PFKFB2: variants seen among roughly 807,000 people sequenced by gnomAD.
PFKFB2 encodes 6-phosphofructo-2-kinase/fructose-2,6-bisphosphatase 2.
A neutral mutation model predicts 68.0 loss-of-function variants in PFKFB2; 53 were observed. The ratio of observed to expected loss-of-function variants is 0.78; its 90% CI spans 0.63 to 0.98. The LOEUF is 0.98. PFKFB2 is among the 50% of genes least tolerant of loss of function. The probability of loss-of-function intolerance (pLI) is 0.00; values close to 1 mark genes in which losing one functional copy is unlikely to be tolerated. For synonymous variants in PFKFB2, 222 were observed against 227.6 expected, an observed-to-expected ratio of 0.98 and a Z score of 0.22; for missense variants, 451 against 642.0, an observed-to-expected ratio of 0.70 and a Z score of 3.22.
chr1:207,061,178 TA>T (rs1184500680), intron 2 of PFKFB2, among the ~76,000 whole-genome samples: 4 of 79,168 alleles, frequency 5.1e-5, no homozygotes, highest in African/African-American at 1.7e-4. Context: ...TATATATATA[TA>T]TATATATATA....
Position 207,063,311 on chromosome 1 carries a change from G to C in PFKFB2, c.376-36G>C. The C allele has an allele frequency of 6.3e-7, 1 of 1,596,020 alleles. No individual in the cohort carries two copies. The highest frequency in any genetic ancestry group is 8.6e-7 in the Non-Finnish European group (1 of 1,163,522). On this transcript the variant is annotated intron_variant, in intron 5 of 14. Transcript: ENST00000367080. The surrounding 1 kb of genome is among the most constrained non-coding windows in gnomAD (Gnocchi z 4.1). ...TGCCCTGGTGGGGTTCTGTTTCTCT[G>C]TTCCTGCTCATTTACCTTGTGTACT...
At chr1:207,065,831 C>A (rs2075865) in intron 8 of PFKFB2, among the ~76,000 whole-genome samples, 51,059 of 151,778 alleles carry the variant, frequency 0.34, 9,319 homozygotes, top group Middle Eastern at 0.46. Flanking sequence ...CACCTCCAAC[C>A]TGTGACAACC....
intron 8 of PFKFB2, 37 bp downstream of exon 8, chr1:207,065,197 A>C (rs745434345): frequency 1.2e-6 from 2 of 1,609,934 alleles, no homozygotes; most frequent in South Asian, 2.2e-5. Context: ...GGCCCAAGGC[A>C]AAGGTCTCAT....
chr1:207,080,368 G>C (rs1374417457), downstream of PFKFB2: 3 of 152,302 alleles, frequency 2.0e-5, no homozygotes, highest in South Asian at 4.1e-4. Context: ...CTTTTATACT[G>C]TGGATGATAC....
downstream of PFKFB2, chr1:207,079,376 T>C (rs1258846397): frequency 1.0e-5 from 3 of 296,664 alleles, no homozygotes; most frequent in Non-Finnish European, 1.9e-5. Context: ...TTGCCCAAAG[T>C]GCAAATGCAC....
intron 1 of PFKFB2, among the ~76,000 whole-genome samples, chr1:207,035,965 C>T (rs545835877): frequency 7.9e-5 from 12 of 152,146 alleles, no homozygotes; most frequent in East Asian, 1.9e-4. Flanking sequence ...TCACATAGTA[C>T]GTTAGTCTGT....
rs1481989231 is a variant in PFKFB2, at chr1:207,074,335, C to T, written c.*1964C>T. On this transcript the variant is annotated 3_prime_UTR_variant, in exon 15 of 15. Transcript: ENST00000367080. ...ATATAACCCCCTGGAAGGCAGGCTG[C>T]TGTGTTTTAGAGGGTTATTCTAGGT... 3.0e-6 allele frequency: 3 copies of T among 985,284 alleles called. No individual in the cohort carries two copies. The African/African-American group carries it at 5.2e-5, about 17-fold the overall frequency. The allele number at this position is 985,284 out of a possible 1,614,324, so 61.0% of individuals were successfully genotyped here.
intron 2 of PFKFB2, among the ~76,000 whole-genome samples, chr1:207,057,409 C>T (rs950849955): frequency 1.4e-5 from 2 of 146,636 alleles, no homozygotes; most frequent in Non-Finnish European, 3.0e-5. Context: ...ACCCGGGAGG[C>T]GGAGCTTGCA....
rs11450882 is a variant in PFKFB2, at chr1:207,068,353, C to CA, written c.987+45dup. On this transcript the variant is annotated intron_variant, in intron 10 of 14. Coordinates refer to ENST00000367080, the MANE Select transcript of PFKFB2 (RefSeq NM_006212.2). ...AGGCCCAGAAAAGCCAACAAGAGTT[C>CA]AGGCAGGAACTCTCAGAAGTCACTA... 1,333 of 1,474,108 alleles carry CA rather than the reference C, an allele frequency of 9.0e-4. 12 individuals carry two copies. In the African/African-American group the frequency reaches 0.015, roughly 16 times the overall value. 91.3% of individuals were successfully genotyped at this position (1,474,108 alleles called of 1,614,324 possible). A position where few individuals can be genotyped will look rare whatever the true frequency, so the allele number is the denominator to read the frequency against.
chr1:207,056,296 G>A (rs1215310377), intron 2 of PFKFB2, among the ~76,000 whole-genome samples: 1 of 151,688 alleles, frequency 6.6e-6, no homozygotes, highest in Non-Finnish European at 1.5e-5. Context: ...CTATTTAAAA[G>A]AGGGCTGTGA....
chr1:207,045,138 AG>A (rs1350986328), intron 2 of PFKFB2: 2 of 152,470 alleles, frequency 1.3e-5, no homozygotes, highest in African/African-American at 2.4e-5. Flanking sequence ...GACACGTTTA[AG>A]GCCTCTGACT....
Position 207,072,956 on chromosome 1 carries a change from C to T in PFKFB2, c.*585C>T, listed in dbSNP as rs981968269. ...GTGATTGACAAGAGACAAGTCTGGC[C>T]CAGTTAATGCTTTCTGCAGTGGGTC... On this transcript the variant is annotated 3_prime_UTR_variant, in exon 15 of 15. Transcript: ENST00000367080. The T allele has an allele frequency of 1.2e-5, 12 of 985,468 alleles. No individual in the cohort carries two copies. In the African/African-American group the frequency reaches 1.9e-4, roughly 16 times the overall value. 61.0% of individuals were successfully genotyped at this position (985,468 alleles called of 1,614,324 possible). A position where few individuals can be genotyped will look rare whatever the true frequency, so the allele number is the denominator to read the frequency against.
At chr1:207,071,695 C>G in intron 14 of PFKFB2, 122 bp downstream of exon 14, 2 of 720,196 alleles carry the variant, frequency 2.8e-6, no homozygotes, top group Middle Eastern at 2.4e-4. Flanking sequence ...GAACTTACGT[C>G]CAAATGTAGT....
At chr1:207,066,895 A>G (rs1473733533) in intron 8 of PFKFB2, among the ~76,000 whole-genome samples, 1 of 152,052 alleles carries the variant, frequency 6.6e-6, no homozygotes, top group African/African-American at 2.4e-5. Flanking sequence ...CTCCTGATCT[A>G]CCCACCTTGG....
intron 1 of PFKFB2, chr1:207,035,132 C>G (rs1682351782): frequency 1.0e-6 from 1 of 984,592 alleles, no homozygotes; most frequent in East Asian, 1.1e-4. Context: ...TGACCAGACT[C>G]TGTGGAAACT....
chr1:207,070,498 CTG>C lies in PFKFB2; in HGVS notation c.1222+91_1222+92del. On this transcript the variant is annotated intron_variant, in intron 12 of 14. Coordinates refer to ENST00000367080, the MANE Select transcript of PFKFB2 (RefSeq NM_006212.2). The surrounding 1 kb of genome is among the most constrained non-coding windows in gnomAD (Gnocchi z 4.2). ...CAGGATTCCTGGGAAACAGACCTCC[CTG>C]TCTCCACTCAAATTAGAGTACTTTC... 1 of 1,425,868 alleles carries C rather than the reference CTG, an allele frequency of 7.0e-7. No individual in the cohort carries two copies. Among genetic ancestry groups the C allele is most frequent in the Non-Finnish European group, 9.6e-7 (1 of 1,038,604 alleles). The allele number at this position is 1,425,868 out of a possible 1,614,324, so 88.3% of individuals were successfully genotyped here. A position where few individuals can be genotyped will look rare whatever the true frequency, so the allele number is the denominator to read the frequency against.
chr1:207,064,619 C>T (rs1683225035), intron 7 of PFKFB2, among the ~76,000 whole-genome samples: 1 of 152,140 alleles, frequency 6.6e-6, no homozygotes, highest in South Asian at 2.1e-4. Flanking sequence ...TATGCAGGTG[C>T]TCTCCCAGCC....
At chr1:207,052,343 G>A, upstream of PFKFB2, 1 of 947,762 alleles carries the variant, frequency 1.1e-6, no homozygotes, top group East Asian at 2.4e-5. Context: ...GGGGTAGGTA[G>A]GAGGGAAGGT....
intron 2 of PFKFB2, among the ~76,000 whole-genome samples, chr1:207,055,366 A>AT (rs1031063866): frequency 5.9e-5 from 9 of 152,144 alleles, no homozygotes; most frequent in African/African-American, 2.2e-4. Context: ...CTATAGGTTC[A>AT]TTTTTTTGAG....
Sources: gnomAD v4.1 joint callset for allele counts (sites outside exome capture counted in the v4.1 genomes callset) on GRCh38, gnomAD v4.1.1 for gene constraint, Gnocchi (gnomAD v3.1) non-coding constraint, MANE v1.5 for transcripts, NCBI Gene and HGNC (gene_info 2026-07-23, HGNC 2026-07-21) for gene names.